Variants in WIF1 observed in about 807,000 individuals in gnomAD.
WIF1 encodes Wnt inhibitory factor 1.
Under a neutral mutation model 53.5 loss-of-function variants are expected in WIF1, and 35 were observed. The observed-to-expected ratio is 0.65, with a 90% CI of 0.50 to 0.87. WIF1 has a LOEUF of 0.87. Ranked by LOEUF, WIF1 falls within the 40% of genes least tolerant of loss-of-function variation. The pLI is 0.00. For missense variants in WIF1, 467 were observed against 476.8 expected, an observed-to-expected ratio of 0.98 and a Z score of 0.19; for synonymous variants, 171 against 170.4, an observed-to-expected ratio of 1.00 and a Z score of -0.03.
chr12:65,055,698 C>A (rs565055496), intron 8 of WIF1, among the ~76,000 whole-genome samples: 5 of 152,242 alleles, frequency 3.3e-5, no homozygotes, highest in Non-Finnish European at 5.9e-5. Flanking sequence ...TCGCTTACAC[C>A]TGGGGGGCGG....
At chr12:65,114,894 C>T (rs1883486115) in intron 2 of WIF1, among the ~76,000 whole-genome samples, 1 of 152,098 alleles carries the variant, frequency 6.6e-6, no homozygotes, top group African/African-American at 2.4e-5. Context: ...GAAGGTACCC[C>T]ACTGACTTTT....
rs377267184 is a variant in WIF1, at chr12:65,055,164, G to T, written c.972C>A (p.Asn324Lys). ...GCCAACCTTCTTGACATTGGCATTT[G>T]TTGGGTTCATGGCAGGTTCCATGTG... ...CGAHGTCHEP[N>K]KCQCQEGWHG... Residue 324 changes from asparagine to lysine, a missense_variant, in exon 9 of 10, where the codon AAC becomes AAA. Physicochemically the swap from Asn to Lys is moderately conservative, Grantham distance 94 (BLOSUM62 0). Coordinates refer to ENST00000286574, the MANE Select transcript of WIF1 (RefSeq NM_007191.5). 4 of 1,613,936 alleles carry T rather than the reference G, an allele frequency of 2.5e-6. No homozygotes were observed. In the African/African-American group the frequency reaches 4.0e-5, roughly 16 times the overall value.
intron 2 of WIF1, among the ~76,000 whole-genome samples, chr12:65,092,627 A>C (rs138722420): frequency 2.5e-4 from 38 of 152,082 alleles, no homozygotes; most frequent in African/African-American, 8.7e-4. Context: ...AGCTATGCAG[A>C]TATCTGGGGG....
chr12:65,067,917 C>T, intron 4 of WIF1, 127 bp from the exon 5 acceptor site: 1 of 721,142 alleles, frequency 1.4e-6, no homozygotes, highest in Non-Finnish European at 2.2e-6. Context: ...TGATCAAATA[C>T]CAGTACTTCC....
rs530923379 is a variant in WIF1 at position 65,094,803 on chromosome 12, AT to A, written c.289-16950del. On this transcript the variant is annotated intron_variant, in intron 2 of 9. Coordinates refer to ENST00000286574, the MANE Select transcript of WIF1 (RefSeq NM_007191.5). ...CTTGGCTTCTTCTTTCCCAATAACT[AT>A]TACTAACTTCCCTCCCACTCCCCAC... Among the ~76,000 whole-genome samples, 138 of 152,078 alleles carry A rather than the reference AT, an allele frequency of 9.1e-4. 1 individual carries two copies. The South Asian group carries it at 0.027, about 30-fold the overall frequency.
chr12:65,112,131 T>A (rs1375625506), intron 2 of WIF1, among the ~76,000 whole-genome samples: 1 of 152,162 alleles, frequency 6.6e-6, no homozygotes, highest in Non-Finnish European at 1.5e-5. Context: ...TTTAAATAAA[T>A]CCATTTCCAG....
rs1883603268 is a variant in WIF1, at chr12:65,121,118, C to T, written c.74G>A (p.Arg25Gln). 3 of 1,547,568 alleles carry T rather than the reference C, an allele frequency of 1.9e-6. No homozygotes were observed. Among genetic ancestry groups the T allele is most frequent in the Non-Finnish European group, 2.6e-6 (3 of 1,145,184 alleles). ...CTCCTGCGGCGGCCCGGCCTCCGCCCGCAGTGCCAGCAGGCACAGGAGGAT... is the reference window on the plus strand; with the variant it reads ...CTCCTGCGGCGGCCCGGCCTCCGCCTGCAGTGCCAGCAGGCACAGGAGGAT... ...WSILLCLLAL[R>Q]AEAGPPQEES... The change falls in exon 1 of 10, where the codon CGG becomes CAG. Residue 25 changes from arginine (R) to glutamine (Q), a missense_variant. Coordinates refer to ENST00000286574, the MANE Select transcript of WIF1 (RefSeq NM_007191.5).
intron 2 of WIF1, among the ~76,000 whole-genome samples, chr12:65,110,450 C>T (rs1466055639): frequency 2.0e-5 from 3 of 152,186 alleles, no homozygotes; most frequent in Non-Finnish European, 4.4e-5. Context: ...TACATGTCTC[C>T]TCGGTGAAGC....
chr12:65,084,068 C>T (rs942080364), intron 2 of WIF1, among the ~76,000 whole-genome samples: 3 of 151,994 alleles, frequency 2.0e-5, no homozygotes, highest in Admixed American at 2.0e-4. Flanking sequence ...GATACTGAAG[C>T]TCAGGGTTAT....
At chr12:65,094,399 A>G (rs1268422242) in intron 2 of WIF1, among the ~76,000 whole-genome samples, 1 of 152,212 alleles carries the variant, frequency 6.6e-6, no homozygotes, top group East Asian at 1.9e-4. Context: ...TCTCATGTGA[A>G]GATCCCAAAT....
rs73329368 is a variant in WIF1, at chr12:65,051,131, C to T, written c.*218G>A. ...AATTGACATAATATAAAATCTGTCCCAAAGCACTGAAACAAGAAAATCTAT... is the reference window on the plus strand; with the variant it reads ...AATTGACATAATATAAAATCTGTCCTAAAGCACTGAAACAAGAAAATCTAT... On this transcript the variant is annotated 3_prime_UTR_variant, in exon 10 of 10. Coordinates refer to ENST00000286574, the MANE Select transcript of WIF1 (RefSeq NM_007191.5). 248 of 460,458 alleles carry T rather than the reference C, an allele frequency of 5.4e-4. 1 individual carries two copies. Among genetic ancestry groups the T allele is most frequent in the African/African-American group, 4.5e-3 (222 of 49,808 alleles). 28.5% of individuals were successfully genotyped at this position (460,458 alleles called of 1,614,324 possible).
chr12:65,095,736 AAAG>A (rs1883193114), intron 2 of WIF1: 1 of 152,184 alleles, frequency 6.6e-6, no homozygotes. Flanking sequence ...GAAGAAAAGA[AAAG>A]AAGCAGATCG....
At chr12:65,072,455 G>A (rs556635811) in intron 3 of WIF1, among the ~76,000 whole-genome samples, 1 of 152,300 alleles carries the variant, frequency 6.6e-6, no homozygotes, top group East Asian at 1.9e-4. Context: ...TGTTAAGGAT[G>A]AGAATTCTCA....
intron 2 of WIF1, among the ~76,000 whole-genome samples, chr12:65,078,235 C>T (rs1036467391): frequency 6.6e-6 from 1 of 152,010 alleles, no homozygotes; most frequent in Admixed American, 6.6e-5. Context: ...TGTACCACCA[C>T]GCCCTGCTAA....
chr12:65,094,485 T>C (rs114480742), intron 2 of WIF1, among the ~76,000 whole-genome samples: 1,978 of 152,282 alleles, frequency 0.013, 48 homozygotes, highest in African/African-American at 0.044. Context: ...TAAATGAAAT[T>C]GCATTATTAG....
intron 6 of WIF1, among the ~76,000 whole-genome samples, chr12:65,064,975 T>A (rs1267455938): frequency 6.6e-6 from 1 of 152,178 alleles, no homozygotes; most frequent in African/African-American, 2.4e-5. Flanking sequence ...TCCTCTAGAA[T>A]GCCCAGTTTT....
intron 3 of WIF1, among the ~76,000 whole-genome samples, chr12:65,075,849 G>A (rs1333846087): frequency 6.6e-6 from 1 of 151,980 alleles, no homozygotes; most frequent in East Asian, 1.9e-4. Flanking sequence ...GCAATAAGTG[G>A]TGAATATACC....
intron 3 of WIF1, among the ~76,000 whole-genome samples, chr12:65,069,967 C>T (rs1882748294): frequency 6.6e-6 from 1 of 152,098 alleles, no homozygotes; most frequent in East Asian, 1.9e-4. Flanking sequence ...TGATTTTTTG[C>T]TTCATTTTAT....
chr12:65,063,087 T>G (rs1882637794), intron 6 of WIF1, among the ~76,000 whole-genome samples: 1 of 152,120 alleles, frequency 6.6e-6, no homozygotes, highest in South Asian at 2.1e-4. Context: ...AAAATATACT[T>G]TTATGACTTT....
Sources: gnomAD v4.1 joint callset for allele counts (sites outside exome capture counted in the v4.1 genomes callset) on GRCh38, gnomAD v4.1.1 for gene constraint, MANE v1.5 for transcripts, NCBI Gene and HGNC (gene_info 2026-07-23, HGNC 2026-07-21) for gene names.